Variants in LRRC7 observed in about 807,000 individuals in gnomAD.
LRRC7 encodes leucine-rich repeat-containing protein 7.
LRRC7 carries 23 observed loss-of-function variants against 175.7 expected under a neutral mutation model. That is an observed-to-expected ratio of 0.13 (90% CI 0.09 to 0.19). LRRC7 has a LOEUF of 0.19. LRRC7 is among the 10% of genes least tolerant of loss of function. LRRC7 has a pLI of 1.00. For synonymous variants in LRRC7, 685 were observed against 680.9 expected, an observed-to-expected ratio of 1.01 and a Z score of -0.09; for missense variants, 1,354 against 1,904.7, an observed-to-expected ratio of 0.71 and a Z score of 5.38.
chr1:70,119,575 G>A (rs1236280881), intron 26 of LRRC7, among the ~76,000 whole-genome samples: 1 of 150,442 alleles, frequency 6.6e-6, no homozygotes, highest in East Asian at 1.9e-4. Flanking sequence ...CTTCTTTGAA[G>A]ATCTTTCATG....
intron 3 of LRRC7, among the ~76,000 whole-genome samples, chr1:69,774,841 A>G (rs553311534): frequency 6.6e-6 from 1 of 152,118 alleles, no homozygotes; most frequent in Non-Finnish European, 1.5e-5. Context: ...GTGCCATAAT[A>G]TGAAATAAAT....
intron 7 of LRRC7, among the ~76,000 whole-genome samples, chr1:69,914,136 G>A (rs1646617473): frequency 6.6e-6 from 1 of 152,122 alleles, no homozygotes; most frequent in African/African-American, 2.4e-5. Flanking sequence ...TGGAAAGAGT[G>A]AGCACATTTG....
At chr1:69,918,774 A>C (rs1170012562) in intron 7 of LRRC7, among the ~76,000 whole-genome samples, 1 of 152,180 alleles carries the variant, frequency 6.6e-6, no homozygotes, top group Admixed American at 6.5e-5. Context: ...ACTGATGGAA[A>C]CTACGGTCAT....
intron 7 of LRRC7, among the ~76,000 whole-genome samples, chr1:69,865,195 C>T (rs1367621354): frequency 6.6e-6 from 1 of 152,004 alleles, no homozygotes; most frequent in Non-Finnish European, 1.5e-5. Flanking sequence ...AGGGCAGGTG[C>T]TTATATATCA....
intron 8 of LRRC7, among the ~76,000 whole-genome samples, chr1:69,976,516 G>A (rs1228523615): frequency 1.3e-5 from 2 of 152,128 alleles, no homozygotes; most frequent in Non-Finnish European, 2.9e-5. Flanking sequence ...TCAATACTTT[G>A]CATCTTTTAA....
At chr1:70,113,689 T>C (rs1247909061) in intron 26 of LRRC7, among the ~76,000 whole-genome samples, 4 of 151,858 alleles carry the variant, frequency 2.6e-5, no homozygotes, top group Non-Finnish European at 2.9e-5. Flanking sequence ...ACTTTCAGTA[T>C]AGAACAGTTT....
intron 1 of LRRC7, among the ~76,000 whole-genome samples, chr1:69,594,628 G>A (rs1467550210): frequency 2.0e-5 from 3 of 151,964 alleles, no homozygotes; most frequent in African/African-American, 4.8e-5. Flanking sequence ...TACTCCATCC[G>A]TACAGACTTT....
rs11336931 is a variant in LRRC7, at chr1:70,116,546, CAA to C, written c.4621-5216_4621-5215del. ...TGGGCGACAGAGCAAGACTCCATGT[CAA>C]AAAAAAAAAAAAAAAAACACAGAAA... On this transcript the variant is annotated intron_variant, in intron 26 of 26. Coordinates refer to ENST00000651989, the MANE Select transcript of LRRC7 (RefSeq NM_001370785.2). 5.6e-3 allele frequency among the ~76,000 whole-genome samples: 590 copies of C among 104,866 alleles called. 6 individuals carry two copies. The highest frequency in any genetic ancestry group is 0.017 in the African/African-American group (473 of 28,156). The allele number at this position is 104,866 out of a possible 152,430, so 68.8% of individuals were successfully genotyped here.
rs1322667166 is a variant in LRRC7, at chr1:70,138,503, A to T, written c.*16616A>T. 6.6e-6 allele frequency: 1 copy of T among 152,234 alleles called. No homozygotes were observed. Among genetic ancestry groups the T allele is most frequent in the African/African-American group, 2.4e-5 (1 of 41,458 alleles). 9.4% of individuals were successfully genotyped at this position (152,234 alleles called of 1,614,324 possible). ...GGTCCTTTTGTGACTGAGCTATATG[A>T]TAAACTAAGGAAAACTACAGAAGTT... On this transcript the variant is annotated 3_prime_UTR_variant, in exon 27 of 27. Coordinates refer to ENST00000651989, the MANE Select transcript of LRRC7 (RefSeq NM_001370785.2).
chr1:69,631,502 A>T (rs1264413751), intron 1 of LRRC7, among the ~76,000 whole-genome samples: 1 of 151,948 alleles, frequency 6.6e-6, no homozygotes, highest in Non-Finnish European at 1.5e-5. Context: ...ATGATTGTGG[A>T]TGGGGGTGAT....
chr1:70,077,046 C>T (rs1662833410), intron 24 of LRRC7, among the ~76,000 whole-genome samples: 1 of 152,120 alleles, frequency 6.6e-6, no homozygotes. Flanking sequence ...AGATAGGCAA[C>T]ATTCCTACTG....
chr1:70,114,979 T>C (rs1665755586), intron 26 of LRRC7, among the ~76,000 whole-genome samples: 1 of 152,144 alleles, frequency 6.6e-6, no homozygotes. Flanking sequence ...CTGCAAGATA[T>C]CTATTACTGA....
intron 23 of LRRC7, among the ~76,000 whole-genome samples, chr1:70,054,948 A>G (rs1661040100): frequency 6.6e-6 from 1 of 152,160 alleles, no homozygotes; most frequent in African/African-American, 2.4e-5. Flanking sequence ...TGTAACCTAC[A>G]TATGTATTAC....
intron 4 of LRRC7, among the ~76,000 whole-genome samples, chr1:69,817,654 A>G (rs1205439103): frequency 1.3e-5 from 2 of 151,964 alleles, no homozygotes; most frequent in Admixed American, 1.3e-4. Flanking sequence ...TATTTTTTCT[A>G]TTTCTGTAAA....
Position 70,131,316 on chromosome 1 carries a change from G to A in LRRC7, c.*9429G>A, listed in dbSNP as rs193053727. ...TAAAACAAAAATGATATCTAACTGGGAATCTAATGATATCTAAGACCCCCA... is the reference window on the plus strand; with the variant it reads ...TAAAACAAAAATGATATCTAACTGGAAATCTAATGATATCTAAGACCCCCA... On this transcript the variant is annotated 3_prime_UTR_variant, in exon 27 of 27. Transcript: ENST00000651989. Among the ~76,000 whole-genome samples the A allele has an allele frequency of 2.9e-4, 44 of 152,220 alleles. 1 individual carries two copies. Among genetic ancestry groups the A allele is most frequent in the Admixed American group, 2.8e-3 (43 of 15,294 alleles).
chr1:69,577,520 G>A (rs1490317989), intron 1 of LRRC7, among the ~76,000 whole-genome samples: 15 of 152,118 alleles, frequency 9.9e-5, no homozygotes, highest in Admixed American at 2.0e-4. Flanking sequence ...TAGGTCTAAC[G>A]TTTAAGTCTT....
At chr1:69,697,456 C>T (rs1285696014) in intron 2 of LRRC7, among the ~76,000 whole-genome samples, 1 of 152,222 alleles carries the variant, frequency 6.6e-6, no homozygotes, top group East Asian at 1.9e-4. Flanking sequence ...ATCAGATTCA[C>T]TACCCCGCTG....
chr1:70,085,344 T>C (rs1429297390), intron 24 of LRRC7, among the ~76,000 whole-genome samples: 3 of 152,202 alleles, frequency 2.0e-5, no homozygotes, highest in Non-Finnish European at 2.9e-5. Flanking sequence ...TTTATTCTTC[T>C]GCATGTGGGT....
intron 7 of LRRC7, among the ~76,000 whole-genome samples, chr1:69,916,493 A>G (rs1484786156): frequency 2.6e-5 from 4 of 151,556 alleles, no homozygotes; most frequent in African/African-American, 9.7e-5. Flanking sequence ...CTTTAGCTCC[A>G]TGCATATTCC....
Sources: gnomAD v4.1 joint callset for allele counts (sites outside exome capture counted in the v4.1 genomes callset) on GRCh38, gnomAD v4.1.1 for gene constraint, MANE v1.5 for transcripts, NCBI Gene and HGNC (gene_info 2026-07-23, HGNC 2026-07-21) for gene names.